The following RFC5 variants were observed in gnomAD, a reference collection of about 807,000 sequenced individuals.
RFC5 encodes replication factor C subunit 5.
In RFC5, 26 loss-of-function variants were observed where a neutral mutation model predicts 44.3. The ratio of observed to expected loss-of-function variants is 0.59; its 90% confidence interval spans 0.43 to 0.81. The LOEUF (loss-of-function observed/expected upper bound fraction) is 0.81, where lower values mean the gene tolerates loss of function less well. Among genes scored for constraint, RFC5 ranks in the 40% least tolerant of loss-of-function variants. The probability of loss-of-function intolerance (pLI) is 0.00; values close to 1 mark genes in which losing one functional copy is unlikely to be tolerated. For synonymous variants in RFC5, 155 were observed against 155.2 expected, an observed-to-expected ratio of 1.00 and a Z score of 0.01; for missense variants, 328 against 418.6, an observed-to-expected ratio of 0.78 and a Z score of 1.89.
chr12:118,029,872 C>G, intron 10 of RFC5, 47 bp downstream of exon 10: 1 of 1,354,940 alleles, frequency 7.4e-7, no homozygotes, highest in Non-Finnish European at 1.1e-6. Context: ...CCTTTTTTCC[C>G]CTGTTGTGAG....
intron 10 of RFC5, 109 bp from the exon 11 acceptor site, chr12:118,031,072 TC>T: frequency 1.4e-6 from 1 of 694,422 alleles, no homozygotes; most frequent in Non-Finnish European, 2.5e-6. Context: ...TTCTATCAAT[TC>T]CCATCCCCAC....
Position 118,029,808 on chromosome 12 carries a change from CA to C in RFC5, c.913del (p.Met305TrpfsTer18), listed in dbSNP as rs771386249. On this transcript the variant is annotated frameshift_variant, in exon 10 of 11. Transcript: ENST00000454402. LOFTEE classifies it high-confidence loss of function. ...PSSVRIHLLTKMADIEYRLSV... is the reference protein window; with the variant it reads ...PSSVRIHLLTXMADIEYRLSV... The stretch of plus-strand genomic sequence containing the variant: ...CTTCAGTTCGAATACATTTATTGAC[CA>C]AAATGGCAGACATTGAGTGAGTACT... The C allele has an allele frequency of 6.2e-7, 1 of 1,608,854 alleles. No individual in the cohort carries two copies. The highest frequency in any genetic ancestry group is 8.5e-7 in the Non-Finnish European group (1 of 1,175,206).
At position 118,016,861 on chromosome 12, in the gene RFC5, C is replaced by G; in HGVS notation, c.34C>G (p.Pro12Ala). 1.2e-6 allele frequency: 2 copies of G among 1,613,504 alleles called. No homozygotes were observed. Among genetic ancestry groups the G allele is most frequent in the Non-Finnish European group, 1.7e-6 (2 of 1,179,792 alleles). ...ETSALKQQEQ[P>A]AATKIRNLPW... ...CTCAGCACTCAAGCAGCAGGAGCAGCCCGCGGCGACCAAGATCAGGAACCT... is the reference window on the plus strand; with the variant it reads ...CTCAGCACTCAAGCAGCAGGAGCAGGCCGCGGCGACCAAGATCAGGAACCT... Residue 12 changes from proline (P) to alanine (A), a missense_variant, in exon 1 of 11, where the codon CCC (proline) becomes GCC (alanine). By Grantham distance (27) the Pro-to-Ala change is conservative (BLOSUM62 -1). Coordinates refer to ENST00000454402, the MANE Select transcript of RFC5 (RefSeq NM_007370.7).
chr12:118,024,796 C>T lies in RFC5; in HGVS notation c.422-55C>T. On this transcript the variant is annotated intron_variant, in intron 5 of 10. Transcript: ENST00000454402. Reference sequence around the variant, plus strand: ...CAGAAAAATTCAAGTTTTCTGGGCTCTCTGAAAAATCAGAATGGACTTTGA... The same window carrying T: ...CAGAAAAATTCAAGTTTTCTGGGCTTTCTGAAAAATCAGAATGGACTTTGA... The T allele has an allele frequency of 4.0e-6, 6 of 1,501,666 alleles. No homozygotes were observed. In the South Asian group the frequency reaches 5.0e-5, roughly 13 times the overall value. The allele number at this position is 1,501,666 out of a possible 1,614,324, so 93.0% of individuals were successfully genotyped here. A position where few individuals can be genotyped will look rare whatever the true frequency, so the allele number is the denominator to read the frequency against.
chr12:118,021,872 G>A (rs1229329668), intron 4 of RFC5, among the ~76,000 whole-genome samples: 1 of 152,024 alleles, frequency 6.6e-6, no homozygotes, highest in Non-Finnish European at 1.5e-5. Context: ...CAGGAGAATC[G>A]CTTGAACCCA....
downstream of RFC5, chr12:118,035,403 C>A: frequency 7.8e-7 from 1 of 1,279,786 alleles, no homozygotes; most frequent in Non-Finnish European, 1.1e-6. Context: ...AGGCAGGAAG[C>A]CAAACTGCCC....
At chr12:118,039,665 G>C in the RFC5 span, among the ~76,000 whole-genome samples, 5 of 152,230 alleles carry the variant, frequency 3.3e-5, no homozygotes, top group Non-Finnish European at 5.9e-5. Flanking sequence ...ATTGTTATAC[G>C]CCTGTACATG....
Position 118,019,811 on chromosome 12 carries a change from C to G in RFC5, c.267+43C>G. The G allele has an allele frequency of 1.1e-5, 16 of 1,484,480 alleles. No homozygotes were observed. Among genetic ancestry groups the G allele is most frequent in the South Asian group, 2.4e-5 (2 of 84,592 alleles). 92.0% of individuals were successfully genotyped at this position (1,484,480 alleles called of 1,614,324 possible). A position where few individuals can be genotyped will look rare whatever the true frequency, so the allele number is the denominator to read the frequency against. On this transcript the variant is annotated intron_variant, in intron 3 of 10. Coordinates refer to ENST00000454402, the MANE Select transcript of RFC5 (RefSeq NM_007370.7). The surrounding 1 kb of genome is among the most constrained non-coding windows in gnomAD (Gnocchi z 4.2). ...TACTCTACAAATAACTTAAGAGACT[C>G]CAGTCTCTTAATTTCAGTTCTGCTG...
intron 4 of RFC5, among the ~76,000 whole-genome samples, chr12:118,022,065 C>T (rs780782918): frequency 2.0e-5 from 3 of 152,158 alleles, no homozygotes; most frequent in Non-Finnish European, 4.4e-5. Flanking sequence ...GAGGACACAG[C>T]GCACAGAAGT....
chr12:118,022,080 AAG>A (rs1387302324), intron 4 of RFC5, among the ~76,000 whole-genome samples: 1 of 152,176 alleles, frequency 6.6e-6, no homozygotes, highest in East Asian at 1.9e-4. Flanking sequence ...AGAAGTAGAG[AAG>A]TCTCCTCCAT....
the RFC5 span, among the ~76,000 whole-genome samples, chr12:118,038,808 G>A: frequency 6.6e-6 from 1 of 152,186 alleles, no homozygotes; most frequent in Non-Finnish European, 1.5e-5. Flanking sequence ...AGCCTCCTGA[G>A]TAGCTGGGAT....
chr12:118,020,940 T>A lies in RFC5; in HGVS notation c.302T>A (p.Ile101Asn). ...TCAGATGACCGAGGAATAGACATCA[T>A]TCGAGGACCGATCCTGAGCTTTGCT... ...NASDDRGIDI[I>N]RGPILSFAST... Residue 101 changes from isoleucine to asparagine, a missense_variant, in exon 4 of 11, where the codon ATT becomes AAT. Transcript: ENST00000454402. 1 of 1,612,830 alleles carries A rather than the reference T, an allele frequency of 6.2e-7. No homozygotes were observed. Among genetic ancestry groups the A allele is most frequent in the South Asian group, 1.1e-5 (1 of 91,046 alleles).
chr12:118,027,163 T>C (rs2031005737), intron 8 of RFC5, 145 bp downstream of exon 8: 2 of 760,790 alleles, frequency 2.6e-6, no homozygotes, highest in South Asian at 1.7e-5. Flanking sequence ...GAGATGTCTG[T>C]AGGTGGAGTG....
At chr12:118,022,149 T>C in intron 4 of RFC5, 137 bp from the exon 5 acceptor site, 1 of 676,128 alleles carries the variant, frequency 1.5e-6, no homozygotes, top group Non-Finnish European at 2.7e-6. Context: ...ACCAAAGATG[T>C]CTGCCTTGGC....
chr12:118,028,071 G>A (rs760603115), intron 9 of RFC5, 41 bp downstream of exon 9: 15 of 1,307,156 alleles, frequency 1.1e-5, no homozygotes, highest in African/African-American at 7.3e-5. Flanking sequence ...TGTGGAGAAG[G>A]TAGCCTGCTT....
At chr12:118,020,794 C>A in intron 3 of RFC5, 112 bp from the exon 4 acceptor site, 1 of 584,492 alleles carries the variant, frequency 1.7e-6, no homozygotes. Context: ...CATCATTAGA[C>A]ATAGAGAGCT....
At chr12:118,036,306 CAA>C (rs759057347), downstream of RFC5, 131 of 1,598,834 alleles carry the variant, frequency 8.2e-5, no homozygotes, top group Non-Finnish European at 1.1e-4. Flanking sequence ...AGTCCCCCCA[CAA>C]AAAAGTCATA....
chr12:118,041,183 G>A, the RFC5 span, among the ~76,000 whole-genome samples: 1 of 152,188 alleles, frequency 6.6e-6, no homozygotes, highest in African/African-American at 2.4e-5. Context: ...CACACATAAA[G>A]CCCTAATCCC....
chr12:118,034,348 C>T (rs1767104424), downstream of RFC5: 1 of 1,613,784 alleles, frequency 6.2e-7, no homozygotes, highest in Non-Finnish European at 8.5e-7. Context: ...TGGACGTGGC[C>T]ATCTCTTGTC....
Sources: gnomAD v4.1 joint callset for allele counts (sites outside exome capture counted in the v4.1 genomes callset) on GRCh38, gnomAD v4.1.1 for gene constraint, Gnocchi (gnomAD v3.1) non-coding constraint, MANE v1.5 for transcripts, NCBI Gene and HGNC (gene_info 2026-07-23, HGNC 2026-07-21) for gene names.